AASS: variants seen among roughly 807,000 people sequenced by gnomAD.
AASS encodes aminoadipate-semialdehyde synthase.
Under a neutral mutation model 105.4 loss-of-function variants are expected in AASS, and 86 were observed. The observed-to-expected ratio is 0.82, with a 90% CI of 0.69 to 0.98. AASS has a LOEUF of 0.98. Ranked by LOEUF, AASS falls within the 50% of genes least tolerant of loss-of-function variation. AASS has a pLI of 0.00. For missense variants in AASS, 1,048 were observed against 1,143.2 expected, an observed-to-expected ratio of 0.92 and a Z score of 1.20; for synonymous variants, 381 against 394.8, an observed-to-expected ratio of 0.96 and a Z score of 0.41.
At chr7:122,095,104 T>G (rs1222753769) in intron 15 of AASS, among the ~76,000 whole-genome samples, 2 of 152,056 alleles carry the variant, frequency 1.3e-5, no homozygotes, top group African/African-American at 4.8e-5. Context: ...TTTAATGGAA[T>G]TTGCTCCATT....
intron 4 of AASS, among the ~76,000 whole-genome samples, chr7:122,121,541 C>T (rs912663531): frequency 1.2e-4 from 18 of 152,058 alleles, no homozygotes; most frequent in South Asian, 4.1e-4. Context: ...ATGACAGGCA[C>T]GCACCGCCAA....
rs1284655916 is a variant in AASS, at chr7:122,075,212, G to T, written c.*1277C>A. On this transcript the variant is annotated 3_prime_UTR_variant, in exon 24 of 24. Coordinates refer to ENST00000417368, the MANE Select transcript of AASS (RefSeq NM_005763.4). ...AAATTGTTTTCTTAACATCATTTTT[G>T]ATTTATTCATTGATACTATATTGAA... Among the ~76,000 whole-genome samples the T allele has an allele frequency of 6.6e-6, 1 of 152,042 alleles. No individual in the cohort carries two copies. Among genetic ancestry groups the T allele is most frequent in the Non-Finnish European group, 1.5e-5 (1 of 67,974 alleles).
intron 19 of AASS, among the ~76,000 whole-genome samples, chr7:122,083,640 A>G (rs942845933): frequency 6.6e-6 from 1 of 152,108 alleles, no homozygotes; most frequent in Non-Finnish European, 1.5e-5. Context: ...TATTATATTA[A>G]TAGGTGCTAG....
Position 122,108,838 on chromosome 7 carries a change from G to T in AASS, c.1278+4280C>A, listed in dbSNP as rs996408569. On this transcript the variant is annotated intron_variant, in intron 11 of 23. Transcript: ENST00000417368. ...ACTAGGCAAAAAAAAAGAAAACAAA[G>T]GTACCCAAATTGGAAAGCAGGAAGT... Among the ~76,000 whole-genome samples, 3 of 151,630 alleles carry T rather than the reference G, an allele frequency of 2.0e-5. No individual in the cohort carries two copies. The East Asian group carries it at 5.8e-4, about 29-fold the overall frequency.
At chr7:122,123,013 T>A (rs184060681) in intron 4 of AASS, among the ~76,000 whole-genome samples, 20 of 152,276 alleles carry the variant, frequency 1.3e-4, no homozygotes, top group Non-Finnish European at 2.6e-4. Flanking sequence ...CTTCAGGGCA[T>A]CCCTGAAAGC....
intron 4 of AASS, among the ~76,000 whole-genome samples, chr7:122,119,365 G>A (rs941939260): frequency 6.6e-6 from 1 of 152,038 alleles, no homozygotes; most frequent in South Asian, 2.1e-4. Flanking sequence ...ATATGCAGAC[G>A]ACTTCAAGTC....
intron 23 of AASS, 81 bp from the exon 24 acceptor site, chr7:122,076,688 A>G (rs1793030069): frequency 9.4e-7 from 1 of 1,058,716 alleles, no homozygotes; most frequent in Non-Finnish European, 1.5e-6. Context: ...TCCACAAAGA[A>G]GCAAACTCAG....
chr7:122,081,671 G>A, intron 19 of AASS, 76 bp from the exon 20 acceptor site: 1 of 983,518 alleles, frequency 1.0e-6, no homozygotes, highest in African/African-American at 1.6e-5. Flanking sequence ...TTTGAAAAGA[G>A]GGATATATCT....
Position 122,129,657 on chromosome 7 carries a change from A to G in AASS, c.211-120T>C, listed in dbSNP as rs915258478. On this transcript the variant is annotated intron_variant, in intron 2 of 23. Transcript: ENST00000417368. Reference sequence around the variant, plus strand: ...TGAAGGAATAAAATCTGTATGAATTAGAACAAATAATAGAACAACTACTTG... The same window carrying G: ...TGAAGGAATAAAATCTGTATGAATTGGAACAAATAATAGAACAACTACTTG... 3 of 873,700 alleles carry G rather than the reference A, an allele frequency of 3.4e-6. No individual in the cohort carries two copies. The African/African-American group carries it at 5.0e-5, about 15-fold the overall frequency. 54.1% of individuals were successfully genotyped at this position (873,700 alleles called of 1,614,324 possible).
At position 122,113,869 on chromosome 7, in the gene AASS, G is replaced by A. The variant is rs1795046571; in HGVS notation, c.1044-149C>T. The A allele has an allele frequency of 6.2e-5, 43 of 691,916 alleles. No homozygotes were observed. The South Asian group carries it at 7.5e-4, about 12-fold the overall frequency. 42.9% of individuals were successfully genotyped at this position (691,916 alleles called of 1,614,324 possible). A position where few individuals can be genotyped will look rare whatever the true frequency, so the allele number is the denominator to read the frequency against. On this transcript the variant is annotated intron_variant, in intron 9 of 23. Transcript: ENST00000417368. Reference sequence around the variant, plus strand: ...CTTTTTCCTATAGCTCATTCTTCAGGACTCTGCACTGTTCTGTGATACAGA... The same window carrying A: ...CTTTTTCCTATAGCTCATTCTTCAGAACTCTGCACTGTTCTGTGATACAGA...
chr7:122,080,086 G>A (rs1793238053), intron 20 of AASS, among the ~76,000 whole-genome samples: 1 of 152,140 alleles, frequency 6.6e-6, no homozygotes, highest in African/African-American at 2.4e-5. Flanking sequence ...AAGTGGAAAA[G>A]GCTTACTGCA....
chr7:122,132,969 T>C (rs1195117612), intron 2 of AASS, among the ~76,000 whole-genome samples: 1 of 152,184 alleles, frequency 6.6e-6, no homozygotes, highest in African/African-American at 2.4e-5. Context: ...GATGATATTA[T>C]GAATTATTAA....
intron 2 of AASS, 148 bp downstream of exon 2, chr7:122,133,369 G>A (rs1795995467): frequency 1.1e-6 from 1 of 901,636 alleles, no homozygotes; most frequent in African/African-American, 1.7e-5. Context: ...TTCCTCAGCT[G>A]GAGTAAGCAT....
intron 13 of AASS, among the ~76,000 whole-genome samples, chr7:122,099,695 A>AGTAG (rs894298365): frequency 8.6e-5 from 13 of 151,904 alleles, no homozygotes; most frequent in Non-Finnish European, 1.6e-4. Context: ...CAGGGACTGA[A>AGTAG]GTAGGCTCTG....
At chr7:122,122,560 G>C (rs896827663) in intron 4 of AASS, among the ~76,000 whole-genome samples, 1 of 152,166 alleles carries the variant, frequency 6.6e-6, no homozygotes, top group African/African-American at 2.4e-5. Context: ...TCTTGCAATG[G>C]AACATTAACC....
chr7:122,133,781 C>T (rs1796020006), intron 1 of AASS, 40 bp from the exon 2 acceptor site: 1 of 1,557,560 alleles, frequency 6.4e-7, no homozygotes. Context: ...CAAAAGGCAG[C>T]AAGGCTGGCA....
At chr7:122,121,930 A>AAAAT (rs1795457219) in intron 4 of AASS, among the ~76,000 whole-genome samples, 1 of 152,180 alleles carries the variant, frequency 6.6e-6, no homozygotes, top group Non-Finnish European at 1.5e-5. Context: ...CTTTGGAAAT[A>AAAAT]TATTGTACTG....
chr7:122,093,379 C>T (rs949646191), intron 15 of AASS, among the ~76,000 whole-genome samples: 9 of 152,138 alleles, frequency 5.9e-5, no homozygotes, highest in African/African-American at 1.9e-4. Flanking sequence ...AACTATCATT[C>T]GACTTAGCAA....
At chr7:122,126,837 G>C (rs1795678003) in intron 3 of AASS, among the ~76,000 whole-genome samples, 1 of 152,056 alleles carries the variant, frequency 6.6e-6, no homozygotes, top group South Asian at 2.1e-4. Context: ...TCCATTTTGA[G>C]ACGAATCTCT....
Sources: gnomAD v4.1 joint callset for allele counts (sites outside exome capture counted in the v4.1 genomes callset) on GRCh38, gnomAD v4.1.1 for gene constraint, MANE v1.5 for transcripts, NCBI Gene and HGNC (gene_info 2026-07-23, HGNC 2026-07-21) for gene names.